Variants in CARM1 observed in about 807,000 individuals in gnomAD.
CARM1 encodes histone-arginine methyltransferase CARM1.
Under a neutral mutation model 72.7 loss-of-function variants are expected in CARM1, and 14 were observed. The observed-to-expected ratio is 0.19, with a 90% CI of 0.13 to 0.30. The LOEUF is 0.30. Among genes scored for constraint, CARM1 ranks in the 10% least tolerant of loss-of-function variants. The probability of loss-of-function intolerance (pLI) is 1.00; values close to 1 mark genes in which losing one functional copy is unlikely to be tolerated. For missense variants in CARM1, 432 were observed against 833.7 expected (o/e 0.52, Z 5.93); for synonymous variants, 333 against 345.5 (o/e 0.96, Z 0.40).
Position 10,909,162 on chromosome 19 carries a change from C to A in CARM1, c.513C>A (p.Thr171=), listed in dbSNP as rs1196635898. The A allele has an allele frequency of 3.1e-6, 5 of 1,613,926 alleles. No individual in the cohort carries two copies. The highest frequency in any genetic ancestry group is 2.2e-5 in the South Asian group (2 of 91,078). The part of the protein sequence containing the change: ...NMMQDYVRTG[T]YQRAILQNHT... ...TGCAGGACTACGTGCGGACAGGCAC[C>A]TACCAGCGCGCCATCCTGCAAAACC... The change falls in exon 4 of 16, where the codon ACC becomes ACA. Residue 171 remains threonine, a synonymous_variant. Coordinates refer to ENST00000327064, the MANE Select transcript of CARM1 (RefSeq NM_199141.2).
At chr19:10,880,832 C>CAACCAGCCCGGGAAACACAGTGAAA (rs1568345708) in intron 1 of CARM1, among the ~76,000 whole-genome samples, 5 of 151,862 alleles carry the variant, frequency 3.3e-5, no homozygotes, top group African/African-American at 1.2e-4. Context: ...GTGGCACCTC[C>CAACCAGCCCGGGAAACACAGTGAAA]CTGGAGGTTT....
intron 1 of CARM1, among the ~76,000 whole-genome samples, chr19:10,886,479 A>C (rs1255681538): frequency 6.7e-6 from 1 of 149,414 alleles, no homozygotes; most frequent in Non-Finnish European, 1.5e-5. Context: ...TACAGGCGTG[A>C]GTCACCATGC....
chr19:10,890,795 ATTTTTTTT>A (rs67421012), intron 1 of CARM1, among the ~76,000 whole-genome samples: 7 of 47,466 alleles, frequency 1.5e-4, no homozygotes, highest in Non-Finnish European at 2.1e-4. Context: ...ATATATATAT[ATTTTTTTT>A]TTTTTTTTTT....
Position 10,912,380 on chromosome 19 carries a change from CA to C in CARM1, c.669+87del. On this transcript the variant is annotated intron_variant, in intron 5 of 15. Transcript: ENST00000327064. The surrounding 1 kb of genome is among the most constrained non-coding windows in gnomAD (Gnocchi z 4.5). ...CAGCCTAGAGAAGCTTGGGAACCCCCAGGGGCCTGGGGACATTACTTCTGTG... is the reference window on the plus strand; with the variant it reads ...CAGCCTAGAGAAGCTTGGGAACCCCCGGGGCCTGGGGACATTACTTCTGTG... 1 of 976,686 alleles carries C rather than the reference CA, an allele frequency of 1.0e-6. No homozygotes were observed. The highest frequency in any genetic ancestry group is 1.6e-6 in the Non-Finnish European group (1 of 610,002). 60.5% of individuals were successfully genotyped at this position (976,686 alleles called of 1,614,324 possible). A position where few individuals can be genotyped will look rare whatever the true frequency, so the allele number is the denominator to read the frequency against.
At position 10,922,995 on chromosome 19, in the gene CARM1, C is replaced by T. The variant is rs1033068961; in HGVS notation, c.*1238C>T. On this transcript the variant is annotated 3_prime_UTR_variant, in exon 16 of 16. Transcript: ENST00000327064. ...CAGCCCTGTCCCAAAGCTCCCTGCT[C>T]GGCTGCCCCTCGCCCGCCTTTATAT... 2.9e-5 allele frequency: 8 copies of T among 278,492 alleles called. No individual in the cohort carries two copies. The highest frequency in any genetic ancestry group is 1.7e-4 in the Admixed American group (3 of 17,976). 17.3% of individuals were successfully genotyped at this position (278,492 alleles called of 1,614,324 possible). A position where few individuals can be genotyped will look rare whatever the true frequency, so the allele number is the denominator to read the frequency against.
At chr19:10,902,769 G>A (rs944143704) in intron 1 of CARM1, among the ~76,000 whole-genome samples, 23 of 151,646 alleles carry the variant, frequency 1.5e-4, no homozygotes, top group Admixed American at 5.3e-4. Flanking sequence ...CCACTACACC[G>A]ACTAATATTT....
At chr19:10,901,797 T>C (rs1274614194) in intron 1 of CARM1, among the ~76,000 whole-genome samples, 1 of 151,544 alleles carries the variant, frequency 6.6e-6, no homozygotes, top group Non-Finnish European at 1.5e-5. Flanking sequence ...CAGAAATTAC[T>C]GGGTGTGATG....
intron 4 of CARM1, among the ~76,000 whole-genome samples, chr19:10,911,010 C>T (rs769352648): frequency 6.6e-6 from 1 of 152,160 alleles, no homozygotes; most frequent in Admixed American, 6.6e-5. Flanking sequence ...TGTGCCTCAG[C>T]CGGCCAAGTA....
chr19:10,900,449 G>A (rs1351787663), intron 1 of CARM1, among the ~76,000 whole-genome samples: 1 of 152,132 alleles, frequency 6.6e-6, no homozygotes, highest in Non-Finnish European at 1.5e-5. Flanking sequence ...AATCATTTGT[G>A]TCTGGCTTCT....
At chr19:10,895,402 G>C (rs1346043154) in intron 1 of CARM1, among the ~76,000 whole-genome samples, 1 of 152,238 alleles carries the variant, frequency 6.6e-6, no homozygotes, top group Non-Finnish European at 1.5e-5. Context: ...ACTGTGCCTG[G>C]CCTAGGGATG....
chr19:10,885,191 A>G lies in CARM1; in HGVS notation c.220+13269A>G, dbSNP rs148502749. Among the ~76,000 whole-genome samples the G allele has an allele frequency of 1.8e-3, 268 of 152,022 alleles. 2 individuals are homozygous for G. Among genetic ancestry groups the G allele is most frequent in the Middle Eastern group, 6.8e-3 (2 of 294 alleles). ...TCTTTCCCTGTCTGTTCCTCTCATC[A>G]TTTGTCCCCTGCTGCCAGGCGGGGC... On this transcript the variant is annotated intron_variant, in intron 1 of 15. Coordinates refer to ENST00000327064, the MANE Select transcript of CARM1 (RefSeq NM_199141.2).
At chr19:10,874,942 T>G (rs1047140191) in intron 1 of CARM1, among the ~76,000 whole-genome samples, 1 of 151,700 alleles carries the variant, frequency 6.6e-6, no homozygotes, top group African/African-American at 2.4e-5. Flanking sequence ...GAGGATCGCT[T>G]GAACCAGGGA....
Position 10,921,108 on chromosome 19 carries a change from C to T in CARM1, c.1596C>T (p.His532=), listed in dbSNP as rs2074242107. The change falls in exon 14 of 16, where the codon CAC becomes CAT. Residue 532 remains histidine, a synonymous_variant. Transcript: ENST00000327064. ...SVIASGSSVG[H]NNLIPLANTG... ...TTGCCAGTGGCTCCAGCGTGGGCCA[C>T]AACAACCTGATTCCTTTAGGTGAGT... 1 of 1,613,962 alleles carries T rather than the reference C, an allele frequency of 6.2e-7. No homozygotes were observed. The highest frequency in any genetic ancestry group is 8.5e-7 in the Non-Finnish European group (1 of 1,179,948).
chr19:10,916,561 T>C lies in CARM1; in HGVS notation c.938+64T>C, dbSNP rs2074198340. ...CTGCCTTCTCAGGGACAGCCCCAGCTCCCCAGAGAGCCTGCACTCCTCTTT... is the reference window on the plus strand; with the variant it reads ...CTGCCTTCTCAGGGACAGCCCCAGCCCCCCAGAGAGCCTGCACTCCTCTTT... On this transcript the variant is annotated intron_variant, in intron 7 of 15. Coordinates refer to ENST00000327064, the MANE Select transcript of CARM1 (RefSeq NM_199141.2). The surrounding 1 kb of genome is among the most constrained non-coding windows in gnomAD (Gnocchi z 4.4). 1 of 1,434,850 alleles carries C rather than the reference T, an allele frequency of 7.0e-7. No homozygotes were observed. Among genetic ancestry groups the C allele is most frequent in the African/African-American group, 1.4e-5 (1 of 71,510 alleles). The allele number at this position is 1,434,850 out of a possible 1,614,324, so 88.9% of individuals were successfully genotyped here. A position where few individuals can be genotyped will look rare whatever the true frequency, so the allele number is the denominator to read the frequency against.
chr19:10,913,730 C>T (rs1225017971), intron 5 of CARM1, 147 bp from the exon 6 acceptor site: 2 of 775,252 alleles, frequency 2.6e-6, no homozygotes, highest in Non-Finnish European at 4.1e-6. Context: ...TATGGCCAAT[C>T]GCAGCCATGG....
intron 1 of CARM1, among the ~76,000 whole-genome samples, chr19:10,892,979 C>T (rs186736550): frequency 6.6e-6 from 1 of 152,218 alleles, no homozygotes; most frequent in Admixed American, 6.5e-5. Context: ...AGGTGATCCA[C>T]CCGCCTCAGC....
At chr19:10,874,374 CTTT>C (rs1187392573) in intron 1 of CARM1, among the ~76,000 whole-genome samples, 1 of 151,258 alleles carries the variant, frequency 6.6e-6, no homozygotes, top group African/African-American at 2.4e-5. Context: ...TTTTTTCTTT[CTTT>C]TTTATTTTTT....
rs1403611365 is a variant in CARM1 at position 10,904,944 on chromosome 19, C to T, written c.221-7C>T. The T allele has an allele frequency of 6.2e-7, 1 of 1,613,990 alleles. No individual in the cohort carries two copies. The highest frequency in any genetic ancestry group is 8.5e-7 in the Non-Finnish European group (1 of 1,179,854). On this transcript the variant is annotated splice_polypyrimidine_tract_variant and splice_region_variant and intron_variant, in intron 1 of 15. Coordinates refer to ENST00000327064, the MANE Select transcript of CARM1 (RefSeq NM_199141.2). ...CACCGCTCACGCCAGCCTGTCTTCT[C>T]TCGTAGATGAAGATGTGTGTGTCTT...
chr19:10,873,628 T>TTG (rs1961912832), intron 1 of CARM1, among the ~76,000 whole-genome samples: 3 of 73,760 alleles, frequency 4.1e-5, no homozygotes, highest in Non-Finnish European at 6.4e-5. Flanking sequence ...AGTTTAGTTT[T>TTG]TTTTTTTTTT....
Sources: gnomAD v4.1 joint callset for allele counts (sites outside exome capture counted in the v4.1 genomes callset) on GRCh38, gnomAD v4.1.1 for gene constraint, Gnocchi (gnomAD v3.1) non-coding constraint, MANE v1.5 for transcripts, NCBI Gene and HGNC (gene_info 2026-07-23, HGNC 2026-07-21) for gene names.